Variants in MAGI1 observed in about 807,000 individuals in gnomAD.
The protein encoded by MAGI1 is membrane associated guanylate kinase, WW and PDZ domain containing 1, also known as membrane-associated guanylate kinase, WW and PDZ domain-containing protein 1.
A neutral mutation model predicts 139.9 loss-of-function variants in MAGI1; 58 were observed. The observed-to-expected ratio is 0.41, with a 90% CI of 0.34 to 0.52. MAGI1 has a LOEUF of 0.52. Among genes scored for constraint, MAGI1 ranks in the 20% least tolerant of loss-of-function variants. The pLI, the probability that MAGI1 is intolerant of heterozygous loss-of-function variation, is 0.12. For synonymous variants in MAGI1, 812 were observed against 737.9 expected (o/e 1.10, Z -1.63); for missense variants, 1,874 against 1,901.6 (o/e 0.99, Z 0.27).
intron 5 of MAGI1, among the ~76,000 whole-genome samples, chr3:65,464,313 T>A (rs1353709242): frequency 6.6e-6 from 1 of 152,190 alleles, no homozygotes; most frequent in African/African-American, 2.4e-5. Flanking sequence ...CCCAGGTTCT[T>A]GCACTGGGAG....
intron 1 of MAGI1, among the ~76,000 whole-genome samples, chr3:65,800,160 G>A (rs566198577): frequency 1.3e-5 from 2 of 152,150 alleles, no homozygotes; most frequent in African/African-American, 4.8e-5. Flanking sequence ...TGGCGAACAG[G>A]TGACTTAACA....
intron 1 of MAGI1, among the ~76,000 whole-genome samples, chr3:65,767,057 C>G (rs531054483): frequency 6.6e-6 from 1 of 152,068 alleles, no homozygotes; most frequent in Non-Finnish European, 1.5e-5. Context: ...AGTGCATGGT[C>G]TAGATTAGGT....
chr3:65,868,727 C>A (rs771141579), intron 1 of MAGI1, among the ~76,000 whole-genome samples: 4 of 152,142 alleles, frequency 2.6e-5, no homozygotes, highest in Non-Finnish European at 5.9e-5. Flanking sequence ...GTGACAAGAA[C>A]CATTCCTACA....
At chr3:65,891,215 CAAA>C (rs58690899) in intron 1 of MAGI1, among the ~76,000 whole-genome samples, 2 of 102,260 alleles carry the variant, frequency 2.0e-5, no homozygotes, top group Admixed American at 9.8e-5. Context: ...AAAACACACA[CAAA>C]AAAAAAAAAA....
At chr3:65,910,151 C>G (rs1217373345) in intron 1 of MAGI1, among the ~76,000 whole-genome samples, 1 of 152,214 alleles carries the variant, frequency 6.6e-6, no homozygotes, top group East Asian at 1.9e-4. Flanking sequence ...GACCCCTCAT[C>G]TAGCTCATAA....
chr3:65,575,686 A>T (rs1466856811), intron 2 of MAGI1, among the ~76,000 whole-genome samples: 1 of 152,234 alleles, frequency 6.6e-6, no homozygotes, highest in Non-Finnish European at 1.5e-5. Context: ...ACTACTCAGC[A>T]ACAAAAATAG....
intron 17 of MAGI1, among the ~76,000 whole-genome samples, chr3:65,378,089 T>C (rs1010975762): frequency 2.0e-5 from 3 of 152,232 alleles, no homozygotes; most frequent in African/African-American, 7.2e-5. Flanking sequence ...ACAAATGTGC[T>C]TGGGAGATAA....
intron 2 of MAGI1, among the ~76,000 whole-genome samples, chr3:65,533,316 A>G (rs2078804049): frequency 6.6e-6 from 1 of 152,200 alleles, no homozygotes; most frequent in African/African-American, 2.4e-5. Flanking sequence ...CACTGACCCC[A>G]GGGGCTTCAT....
chr3:65,848,612 G>A (rs1200959630), intron 1 of MAGI1, among the ~76,000 whole-genome samples: 1 of 150,770 alleles, frequency 6.6e-6, no homozygotes, highest in Non-Finnish European at 1.5e-5. Context: ...TCTAAGCTGA[G>A]AGTTTTCACT....
chr3:65,394,936 T>A (rs1046057561), intron 13 of MAGI1, among the ~76,000 whole-genome samples: 1 of 152,174 alleles, frequency 6.6e-6, no homozygotes, highest in African/African-American at 2.4e-5. Context: ...TTTTCCTAGG[T>A]GAGACACTAG....
chr3:66,015,797 T>C (rs954987523), intron 1 of MAGI1, among the ~76,000 whole-genome samples: 3 of 151,888 alleles, frequency 2.0e-5, no homozygotes, highest in Admixed American at 6.6e-5. Context: ...TATTGGAAAA[T>C]GTCTATACGC....
chr3:65,985,344 T>C (rs3733137), intron 1 of MAGI1, among the ~76,000 whole-genome samples: 9,384 of 152,254 alleles, frequency 0.062, 318 homozygotes, highest in East Asian at 0.11. Context: ...AGAATGATCA[T>C]AGTGGCCAGT....
intron 3 of MAGI1, among the ~76,000 whole-genome samples, chr3:65,483,369 T>A (rs1951410979): frequency 6.6e-6 from 1 of 152,222 alleles, no homozygotes; most frequent in Admixed American, 6.5e-5. Flanking sequence ...TTTGAGTTCA[T>A]GACTCTAACC....
At chr3:65,762,648 T>G (rs1269846670) in intron 1 of MAGI1, among the ~76,000 whole-genome samples, 1 of 152,232 alleles carries the variant, frequency 6.6e-6, no homozygotes, top group East Asian at 1.9e-4. Context: ...TTTGTTTCTT[T>G]AGTTATATAA....
intron 1 of MAGI1, among the ~76,000 whole-genome samples, chr3:65,898,322 T>C (rs946983776): frequency 2.2e-4 from 33 of 152,160 alleles, no homozygotes; most frequent in Admixed American, 2.6e-4. Flanking sequence ...GGGTAGTAGC[T>C]TGGAGATAAA....
chr3:65,738,003 G>A lies in MAGI1; in HGVS notation c.314-115915C>T, dbSNP rs150094582. 7.7e-3 allele frequency among the ~76,000 whole-genome samples: 1,167 copies of A among 152,248 alleles called. 9 individuals carry two copies. Among genetic ancestry groups the A allele is most frequent in the Non-Finnish European group, 0.012 (785 of 68,028 alleles). ...TAAAAACTCACTGTAGGCAACTAGTGCTTTCAAAGCCCTCCAGTTTTCCTT... is the reference window on the plus strand; with the variant it reads ...TAAAAACTCACTGTAGGCAACTAGTACTTTCAAAGCCCTCCAGTTTTCCTT... On this transcript the variant is annotated intron_variant, in intron 1 of 22. Coordinates refer to ENST00000402939, the MANE Select transcript of MAGI1 (RefSeq NM_001033057.2).
intron 1 of MAGI1, among the ~76,000 whole-genome samples, chr3:65,798,548 T>A (rs1465406697): frequency 1.3e-5 from 2 of 152,172 alleles, no homozygotes; most frequent in African/African-American, 4.8e-5. Flanking sequence ...CTTGCCTCTT[T>A]ACCATGGCTT....
At chr3:65,684,873 T>TC (rs2087893137) in intron 1 of MAGI1, among the ~76,000 whole-genome samples, 1 of 135,678 alleles carries the variant, frequency 7.4e-6, no homozygotes, top group African/African-American at 3.0e-5. Flanking sequence ...GGCTAATTTT[T>TC]TTTTTTTTTT....
intron 2 of MAGI1, among the ~76,000 whole-genome samples, chr3:65,543,420 T>G (rs989952375): frequency 6.6e-6 from 1 of 152,152 alleles, no homozygotes; most frequent in Admixed American, 6.5e-5. Flanking sequence ...CAAAGGATTA[T>G]AAATCATTCT....
Sources: gnomAD v4.1 joint callset for allele counts (sites outside exome capture counted in the v4.1 genomes callset) on GRCh38, gnomAD v4.1.1 for gene constraint, MANE v1.5 for transcripts, NCBI Gene and HGNC (gene_info 2026-07-23, HGNC 2026-07-21) for gene names.